The following CSMD3 variants were observed in gnomAD, a reference collection of about 807,000 sequenced individuals.
CSMD3 encodes the protein CUB and sushi domain-containing protein 3.
In CSMD3, 177 loss-of-function variants were observed where a neutral mutation model predicts 435.2. The ratio of observed to expected loss-of-function variants is 0.41; its 90% confidence interval spans 0.36 to 0.46. The LOEUF (loss-of-function observed/expected upper bound fraction) is 0.46, where lower values mean the gene tolerates loss of function less well. Among genes scored for constraint, CSMD3 ranks in the 20% least tolerant of loss-of-function variants. The pLI, the probability that CSMD3 is intolerant of heterozygous loss-of-function variation, is 0.34. For synonymous variants in CSMD3, 1,656 were observed against 1,520.5 expected (o/e 1.09, Z -2.07); for missense variants, 4,265 against 4,504.6 (o/e 0.95, Z 1.52).
At chr8:112,733,075 T>A (rs957671005) in intron 13 of CSMD3, among the ~76,000 whole-genome samples, 12 of 152,164 alleles carry the variant, frequency 7.9e-5, no homozygotes, top group African/African-American at 2.7e-4. Context: ...CCTTTTGTTT[T>A]CACCAACCAG....
intron 13 of CSMD3, among the ~76,000 whole-genome samples, chr8:112,773,802 G>A (rs1442091003): frequency 6.6e-6 from 1 of 151,968 alleles, no homozygotes; most frequent in Non-Finnish European, 1.5e-5. Flanking sequence ...AATAGGTGGG[G>A]TTATAAATAG....
At chr8:112,543,156 A>AT (rs1222914927) in intron 27 of CSMD3, among the ~76,000 whole-genome samples, 1 of 152,218 alleles carries the variant, frequency 6.6e-6, no homozygotes, top group Non-Finnish European at 1.5e-5. Context: ...CCAGAAGGAA[A>AT]TAAAAAAAAG....
At chr8:112,855,326 C>A (rs1372499525) in intron 11 of CSMD3, among the ~76,000 whole-genome samples, 1 of 152,070 alleles carries the variant, frequency 6.6e-6, no homozygotes, top group African/African-American at 2.4e-5. Flanking sequence ...GTGTGAATAG[C>A]TGCAAAGGAC....
rs532314652 is a variant in CSMD3, at chr8:113,377,099, C to G, written c.178+59578G>C. On this transcript the variant is annotated intron_variant, in intron 1 of 70. Coordinates refer to ENST00000297405, the MANE Select transcript of CSMD3 (RefSeq NM_198123.2). ...TTTCGCCAGCTGGCGCTGGACTCCCCCAAGGGCTGCGGCGTCGTCCGGCTC... is the reference window on the plus strand; with the variant it reads ...TTTCGCCAGCTGGCGCTGGACTCCCGCAAGGGCTGCGGCGTCGTCCGGCTC... The G allele has an allele frequency of 2.1e-4, 264 of 1,280,070 alleles. No individual in the cohort carries two copies. The East Asian group carries it at 0.01, about 50-fold the overall frequency. 79.3% of individuals were successfully genotyped at this position (1,280,070 alleles called of 1,614,324 possible). A position where few individuals can be genotyped will look rare whatever the true frequency, so the allele number is the denominator to read the frequency against.
At chr8:112,891,040 C>T (rs1303786611) in intron 10 of CSMD3, among the ~76,000 whole-genome samples, 1 of 151,578 alleles carries the variant, frequency 6.6e-6, no homozygotes, top group African/African-American at 2.4e-5. Context: ...TTTTAATAGT[C>T]ACATTCCATC....
rs756041809 is a variant in CSMD3, at chr8:112,246,969, G to A, written c.10222+51C>T. 7.2e-6 allele frequency: 9 copies of A among 1,255,520 alleles called. No individual in the cohort carries two copies. In the East Asian group the frequency reaches 1.4e-4, roughly 19 times the overall value. The allele number at this position is 1,255,520 out of a possible 1,614,324, so 77.8% of individuals were successfully genotyped here. On this transcript the variant is annotated intron_variant, in intron 64 of 70. Transcript: ENST00000297405. Reference sequence around the variant, plus strand: ...TATTTGAATACTTGGGAGAAAAAATGCATATAAATTCTTACCCATGATAGC... The same window carrying A: ...TATTTGAATACTTGGGAGAAAAAATACATATAAATTCTTACCCATGATAGC...
At chr8:112,729,454 G>A (rs1036019664) in intron 13 of CSMD3, among the ~76,000 whole-genome samples, 1 of 152,074 alleles carries the variant, frequency 6.6e-6, no homozygotes, top group African/African-American at 2.4e-5. Flanking sequence ...GTAAAAGAAA[G>A]TATAAAATAA....
At chr8:112,310,751 G>C (rs1401417500) in intron 50 of CSMD3, 2 of 613,554 alleles carry the variant, frequency 3.3e-6, no homozygotes, top group East Asian at 5.9e-5. Context: ...AGGGGAAAAA[G>C]TCAAGGCATA....
At chr8:112,675,461 T>C (rs1413595164) in intron 16 of CSMD3, among the ~76,000 whole-genome samples, 2 of 152,152 alleles carry the variant, frequency 1.3e-5, no homozygotes, top group Non-Finnish European at 2.9e-5. Context: ...ATTTCCATTT[T>C]TGTCACGGAG....
rs868123682 is a variant in CSMD3, at chr8:112,295,896, C to G, written c.8551G>C (p.Gly2851Arg). The change falls in exon 54 of 71, where the codon GGT becomes CGT. Residue 2851 changes from glycine (G) to arginine (R), a missense_variant. Gly to Arg is a moderately radical substitution (Grantham distance 125, BLOSUM62 -2). Around this residue, in one of 3 missense-constraint regions of CSMD3, gnomAD observed 3,255 missense variants for 3,380.2 expected, o/e 0.96. Coordinates refer to ENST00000297405, the MANE Select transcript of CSMD3 (RefSeq NM_198123.2). ...TGTTGACATATCCTCACTGAAGAAC[C>G]AATCAATCGAAAACCAGGATTACAT... ...YQCNPGFRLI[G>R]SSVRICQQDH... The G allele has an allele frequency of 1.2e-6, 2 of 1,613,888 alleles. No homozygotes were observed. The highest frequency in any genetic ancestry group is 1.7e-6 in the Non-Finnish European group (2 of 1,179,922).
intron 55 of CSMD3, 94 bp downstream of exon 55, chr8:112,292,443 T>C (rs1819857600): frequency 1.5e-6 from 2 of 1,291,008 alleles, no homozygotes; most frequent in Non-Finnish European, 2.2e-6. Flanking sequence ...TAAAAACTTT[T>C]TACTATTCTG....
chr8:112,737,547 G>T (rs56248947), intron 13 of CSMD3, among the ~76,000 whole-genome samples: 31,134 of 151,816 alleles, frequency 0.21, 4,025 homozygotes, highest in Non-Finnish European at 0.3. Flanking sequence ...CATAAGTCCT[G>T]GTTTGCCCTG....
At chr8:113,298,384 C>T (rs1163229560) in intron 2 of CSMD3, among the ~76,000 whole-genome samples, 1 of 152,018 alleles carries the variant, frequency 6.6e-6, no homozygotes, top group East Asian at 1.9e-4. Flanking sequence ...AACATTAGCA[C>T]TTCAACTGTA....
At chr8:112,442,927 C>G (rs1374126340) in intron 32 of CSMD3, among the ~76,000 whole-genome samples, 1 of 152,178 alleles carries the variant, frequency 6.6e-6, no homozygotes, top group Non-Finnish European at 1.5e-5. Context: ...CACCTGTCTA[C>G]TATGGAACTG....
intron 47 of CSMD3, among the ~76,000 whole-genome samples, chr8:112,316,188 A>G (rs1270655226): frequency 6.6e-6 from 1 of 151,828 alleles, no homozygotes. Flanking sequence ...TTTAAAATAT[A>G]GTATAGCTAA....
chr8:113,002,491 T>C (rs1202155113), intron 6 of CSMD3, among the ~76,000 whole-genome samples: 1 of 152,112 alleles, frequency 6.6e-6, no homozygotes, highest in Non-Finnish European at 1.5e-5. Flanking sequence ...CCTTTAATGA[T>C]GCAATTAGCT....
intron 5 of CSMD3, 119 bp from the exon 6 acceptor site, chr8:113,019,298 T>C: frequency 1.4e-6 from 1 of 716,674 alleles, no homozygotes; most frequent in South Asian, 1.5e-5. Flanking sequence ...TGTCAACTTT[T>C]TAAGCACAAA....
Position 112,556,873 on chromosome 8 carries a change from C to A in CSMD3, c.4124G>T (p.Ser1375Ile), listed in dbSNP as rs958512146. ...TGGATTGCATCCATAAATGATGGTG[C>A]TACCAGCAAAGTGGCCTTGGTCACT... ...KISDQGHFAGSTIIYGCNPGY... is the reference protein window; with the variant it reads ...KISDQGHFAGITIIYGCNPGY... Residue 1375 changes from serine to isoleucine, a missense_variant, in exon 25 of 71, where the codon AGC (serine) becomes ATC (isoleucine). By Grantham distance (142) the Ser-to-Ile change is moderately radical. Coordinates refer to ENST00000297405, the MANE Select transcript of CSMD3 (RefSeq NM_198123.2). 1 of 1,611,340 alleles carries A rather than the reference C, an allele frequency of 6.2e-7. No individual in the cohort carries two copies. The highest frequency in any genetic ancestry group is 8.5e-7 in the Non-Finnish European group (1 of 1,177,980).
chr8:112,418,844 C>T (rs1812181481), intron 32 of CSMD3, among the ~76,000 whole-genome samples: 1 of 152,084 alleles, frequency 6.6e-6, no homozygotes, highest in Non-Finnish European at 1.5e-5. Flanking sequence ...GAAATGACTT[C>T]ACAAGTGGAA....
Sources: allele counts gnomAD v4.1 joint callset (sites outside exome capture counted in the v4.1 genomes callset), GRCh38; gene constraint gnomAD v4.1.1; regional missense constraint gnomAD v4.1.1; transcripts MANE v1.5; gene names NCBI Gene and HGNC (gene_info 2026-07-23, HGNC 2026-07-21).